The following ANGPT1 variants were observed in gnomAD, a reference collection of about 807,000 sequenced individuals.
ANGPT1 encodes angiopoietin-1.
A neutral mutation model predicts 62.2 loss-of-function variants in ANGPT1; 17 were observed. The ratio of observed to expected loss-of-function variants is 0.27; its 90% CI spans 0.19 to 0.41. The LOEUF is 0.41. Ranked by LOEUF, ANGPT1 falls within the 10% of genes least tolerant of loss-of-function variation. The pLI is 1.00. For synonymous variants in ANGPT1, 199 were observed against 198.9 expected (o/e 1.00, Z 0.00); for missense variants, 478 against 594.9 (o/e 0.80, Z 2.04).
At chr8:107,485,753 C>G (rs1483433902) in intron 1 of ANGPT1, among the ~76,000 whole-genome samples, 1 of 152,222 alleles carries the variant, frequency 6.6e-6, no homozygotes, top group Non-Finnish European at 1.5e-5. Context: ...AATGCACTTT[C>G]ACTTTTCCAA....
intron 1 of ANGPT1, among the ~76,000 whole-genome samples, chr8:107,366,556 G>GT (rs34693335): frequency 6.6e-6 from 1 of 152,120 alleles, no homozygotes; most frequent in African/African-American, 2.4e-5. Flanking sequence ...TGGGCTCACT[G>GT]TTTTTTATCC....
At chr8:107,468,844 T>C (rs1488006766) in intron 1 of ANGPT1, among the ~76,000 whole-genome samples, 2 of 152,078 alleles carry the variant, frequency 1.3e-5, no homozygotes, top group Non-Finnish European at 1.5e-5. Context: ...ATTTGAGCTA[T>C]GTGTACACAA....
rs550999922 is a variant in ANGPT1 at position 107,481,888 on chromosome 8, T to C, written c.297+15374A>G. The stretch of plus-strand genomic sequence containing the variant: ...CCCCCATAATCGAATTCACCTCCTA[T>C]GAGGTCTCTCCCACAACACGTGGGG... On this transcript the variant is annotated intron_variant, in intron 1 of 8. Coordinates refer to ENST00000517746, the MANE Select transcript of ANGPT1 (RefSeq NM_001146.5). Among the ~76,000 whole-genome samples, 25 of 152,324 alleles carry C rather than the reference T, an allele frequency of 1.6e-4. No homozygotes were observed. The South Asian group carries it at 2.3e-3, about 14-fold the overall frequency.
At chr8:107,380,357 G>A (rs1002464122) in intron 1 of ANGPT1, among the ~76,000 whole-genome samples, 22 of 54,000 alleles carry the variant, frequency 4.1e-4, no homozygotes, top group African/African-American at 9.3e-4. Context: ...TGTGCAGGAT[G>A]TTTGTGTGTG....
Position 107,375,267 on chromosome 8 carries a change from G to A in ANGPT1, c.298-28170C>T, listed in dbSNP as rs540664549. Among the ~76,000 whole-genome samples the A allele has an allele frequency of 3.5e-3, 527 of 152,202 alleles. 7 individuals carry two copies. Among genetic ancestry groups the A allele is most frequent in the African/African-American group, 0.012 (509 of 41,544 alleles). ...AGAAATTGCCAGTTATAGAAATAAG[G>A]TTGTTGAAAACCCTTAACAAATATG... On this transcript the variant is annotated intron_variant, in intron 1 of 8. Coordinates refer to ENST00000517746, the MANE Select transcript of ANGPT1 (RefSeq NM_001146.5).
At chr8:107,439,319 A>G (rs1811411966) in intron 1 of ANGPT1, among the ~76,000 whole-genome samples, 1 of 152,202 alleles carries the variant, frequency 6.6e-6, no homozygotes, top group Non-Finnish European at 1.5e-5. Flanking sequence ...CATCTGTAAA[A>G]CGGAGATAAT....
At chr8:107,474,732 A>G (rs1190421451) in intron 1 of ANGPT1, among the ~76,000 whole-genome samples, 4 of 152,240 alleles carry the variant, frequency 2.6e-5, no homozygotes, top group Non-Finnish European at 5.9e-5. Context: ...CAACTTCAGC[A>G]AAGTCTGAGG....
At chr8:107,392,437 A>C (rs766921643) in intron 1 of ANGPT1, among the ~76,000 whole-genome samples, 2 of 152,300 alleles carry the variant, frequency 1.3e-5, no homozygotes, top group Non-Finnish European at 2.9e-5. Flanking sequence ...ATTTTGACTA[A>C]TAATAAGGAT....
At position 107,284,775 on chromosome 8, in the gene ANGPT1, T is replaced by C. The variant is rs1482121786; in HGVS notation, c.1112A>G (p.Tyr371Cys). The change falls in exon 7 of 9, where the codon TAC becomes TGC. Residue 371 changes from tyrosine (Y) to cysteine (C), a missense_variant. By Grantham distance (194) the Tyr-to-Cys change is radical. Transcript: ENST00000517746. ...GTCCATTAACTCAATTCTTAGCATG[T>C]ACTGCCTCTGACTGGTAATGGCAAA... ...FIFAITSQRQ[Y>C]MLRIELMDWE... is the part of the protein sequence containing the mutation. The C allele has an allele frequency of 3.7e-6, 6 of 1,612,130 alleles. No individual in the cohort carries two copies. The highest frequency in any genetic ancestry group is 1.3e-5 in the African/African-American group (1 of 74,886).
intron 1 of ANGPT1, among the ~76,000 whole-genome samples, chr8:107,419,838 G>A (rs73313603): frequency 0.059 from 8,941 of 152,140 alleles, 872 homozygotes; most frequent in African/African-American, 0.2. Context: ...GACTAATTTC[G>A]TAGGGTTTTA....
chr8:107,401,021 CCTT>C (rs1279070939), intron 1 of ANGPT1, among the ~76,000 whole-genome samples: 1 of 152,116 alleles, frequency 6.6e-6, no homozygotes, highest in Non-Finnish European at 1.5e-5. Flanking sequence ...CACTTTCTAA[CCTT>C]TAATCCTGCT....
chr8:107,494,971 A>G (rs535297720), intron 1 of ANGPT1: 1 of 152,314 alleles, frequency 6.6e-6, no homozygotes, highest in South Asian at 2.1e-4. Flanking sequence ...TATGGCAACT[A>G]CTTGGAATCA....
rs1283666 is a variant in ANGPT1, at chr8:107,395,876, T to A, written c.298-48779A>T. On this transcript the variant is annotated intron_variant, in intron 1 of 8. Coordinates refer to ENST00000517746, the MANE Select transcript of ANGPT1 (RefSeq NM_001146.5). Reference sequence around the variant, plus strand: ...TCATTGAATGCCCAGAGCTAGACACTGGGGATAAAAGAATTGGTCTCAAGG... The same window carrying A: ...TCATTGAATGCCCAGAGCTAGACACAGGGGATAAAAGAATTGGTCTCAAGG... Among the ~76,000 whole-genome samples, 211 of 152,166 alleles carry A rather than the reference T, an allele frequency of 1.4e-3. 3 individuals carry two copies. The highest frequency in any genetic ancestry group is 1.8e-4 in the Non-Finnish European group (12 of 67,990).
At chr8:107,350,582 C>A (rs1563581195) in intron 1 of ANGPT1, among the ~76,000 whole-genome samples, 1 of 152,110 alleles carries the variant, frequency 6.6e-6, no homozygotes. Context: ...GCATTCATCA[C>A]AACCATAAAG....
At chr8:107,484,370 A>T (rs1427810880) in intron 1 of ANGPT1, among the ~76,000 whole-genome samples, 1 of 152,122 alleles carries the variant, frequency 6.6e-6, no homozygotes, top group East Asian at 1.9e-4. Flanking sequence ...ACCAAGGTAG[A>T]TTTATTAATA....
chr8:107,286,807 T>C (rs1814153147), intron 6 of ANGPT1, among the ~76,000 whole-genome samples: 1 of 152,152 alleles, frequency 6.6e-6, no homozygotes, highest in South Asian at 2.1e-4. Context: ...AGTCACACTT[T>C]GTAAAAGTTT....
At chr8:107,350,321 A>G (rs1815905175) in intron 1 of ANGPT1, among the ~76,000 whole-genome samples, 1 of 152,114 alleles carries the variant, frequency 6.6e-6, no homozygotes, top group African/African-American at 2.4e-5. Context: ...GAGCTCCAAT[A>G]CAAGATCTGC....
At chr8:107,344,549 A>G (rs1815763101) in intron 2 of ANGPT1, among the ~76,000 whole-genome samples, 2 of 152,258 alleles carry the variant, frequency 1.3e-5, no homozygotes, top group South Asian at 4.1e-4. Flanking sequence ...TGCCATTGGC[A>G]TGAACCTGTG....
intron 1 of ANGPT1, among the ~76,000 whole-genome samples, chr8:107,486,622 C>T (rs1433172): frequency 0.32 from 48,983 of 152,022 alleles, 8,268 homozygotes; most frequent in Middle Eastern, 0.4. Flanking sequence ...CACTTAATAA[C>T]TCTATGGCAT....
Sources: gnomAD v4.1 joint callset for allele counts (sites outside exome capture counted in the v4.1 genomes callset) on GRCh38, gnomAD v4.1.1 for gene constraint, MANE v1.5 for transcripts, NCBI Gene and HGNC (gene_info 2026-07-23, HGNC 2026-07-21) for gene names.